MACF1: variants seen among roughly 807,000 people sequenced by gnomAD.
MACF1 encodes the protein microtubule actin crosslinking factor 1, also known as microtubule-actin cross-linking factor 1.
In MACF1, 193 loss-of-function variants were observed where a neutral mutation model predicts 854.8. That is an observed-to-expected ratio of 0.23 (90% confidence interval 0.20 to 0.25). The LOEUF is 0.25. Ranked by LOEUF, MACF1 falls within the 10% of genes least tolerant of loss-of-function variation. The pLI, the probability that MACF1 is intolerant of heterozygous loss-of-function variation, is 1.00. For missense variants in MACF1, 7,722 were observed against 8,929.1 expected (o/e 0.86, Z 5.45); for synonymous variants, 3,185 against 3,226.7 (o/e 0.99, Z 0.44).
chr1:39,464,204 A>G (rs1557668522), intron 94 of MACF1: 1 of 154,870 alleles, frequency 6.5e-6, no homozygotes, highest in Non-Finnish European at 1.4e-5. Context: ...ACAGTGAACT[A>G]TACTTGTGTT....
At chr1:39,183,825 G>T (rs1386266678) in intron 2 of MACF1, among the ~76,000 whole-genome samples, 1 of 152,128 alleles carries the variant, frequency 6.6e-6, no homozygotes, top group Non-Finnish European at 1.5e-5. Flanking sequence ...TTCTTGGGAG[G>T]TATAGCGAGA....
intron 63 of MACF1, 41 bp downstream of exon 63, chr1:39,428,328 A>G: frequency 6.8e-7 from 1 of 1,476,706 alleles, no homozygotes; most frequent in Non-Finnish European, 9.1e-7. Context: ...TTATTCTGTT[A>G]TTTTGTTATT....
chr1:39,088,310 A>G (rs894616299), intron 2 of MACF1, among the ~76,000 whole-genome samples: 1 of 151,742 alleles, frequency 6.6e-6, no homozygotes. Context: ...GCTGGTCTTG[A>G]ACTCCTGACC....
chr1:39,243,537 G>T (rs1244957133), intron 2 of MACF1, among the ~76,000 whole-genome samples: 2 of 152,098 alleles, frequency 1.3e-5, no homozygotes, highest in Non-Finnish European at 2.9e-5. Context: ...GAGTAGCTGG[G>T]ATTGTAGGCA....
In MACF1 at chr1:39,440,111, C is replaced by CTTTTCTTTTTTTTTTTT. The variant is rs1553414036; in HGVS notation, c.18447+615_18447+616insCTTTTTTTTTTTTTTTT. On this transcript the variant is annotated intron_variant, in intron 72 of 100. Transcript: ENST00000564288. ...CTTTTCTTTTCTTTTCTTTTCTTTT[C>CTTTTCTTTTTTTTTTTT]TTTTTTTTTTTTTTTTTTGGAGACA... 5.6e-4 allele frequency among the ~76,000 whole-genome samples: 36 copies of CTTTTCTTTTTTTTTTTT among 64,506 alleles called. 1 individual carries two copies. Among genetic ancestry groups the CTTTTCTTTTTTTTTTTT allele is most frequent in the African/African-American group, 1.7e-3 (25 of 14,882 alleles). 42.3% of individuals were successfully genotyped at this position (64,506 alleles called of 152,430 possible). A position where few individuals can be genotyped will look rare whatever the true frequency, so the allele number is the denominator to read the frequency against.
At chr1:39,133,516 G>A (rs1007987327) in intron 2 of MACF1, among the ~76,000 whole-genome samples, 1 of 151,058 alleles carries the variant, frequency 6.6e-6, no homozygotes, top group Non-Finnish European at 1.5e-5. Flanking sequence ...CTCCTTCCTC[G>A]TCCTCCTCCT....
intron 2 of MACF1, among the ~76,000 whole-genome samples, chr1:39,171,582 T>C (rs1316196210): frequency 6.6e-6 from 1 of 152,206 alleles, no homozygotes; most frequent in African/African-American, 2.4e-5. Context: ...TACATGCCTT[T>C]TCCATGTAAC....
intron 2 of MACF1, among the ~76,000 whole-genome samples, chr1:39,245,979 T>C (rs1418437900): frequency 6.6e-6 from 1 of 152,238 alleles, no homozygotes; most frequent in Non-Finnish European, 1.5e-5. Context: ...TACTTATTTG[T>C]AGGAAAGTTA....
intron 56 of MACF1, 93 bp from the exon 57 acceptor site, chr1:39,385,341 T>C: frequency 7.2e-7 from 1 of 1,390,796 alleles, no homozygotes; most frequent in Admixed American, 2.1e-5. Context: ...GTGCTGCGAT[T>C]ACAGGCATGA....
In MACF1 at chr1:39,333,375, G is replaced by A. The variant is rs746397560; in HGVS notation, c.6787G>A (p.Glu2263Lys). ...GATGATGTCAGAAAAGACCGATGAG[G>A]AAGATAGTGGCAGGGAAATTTTTCT... ...SMMMSEKTDE[E>K]DSGREIFLSC... Residue 2263 changes from glutamate (E) to lysine (K), a missense_variant, in exon 37 of 101, where the codon GAA (glutamate) becomes AAA (lysine). Around this residue, in one of 15 missense-constraint regions of MACF1, gnomAD observed 1,531 missense variants for 1,601.6 expected, o/e 0.96. Coordinates refer to ENST00000564288, the MANE Select transcript of MACF1 (RefSeq NM_001394062.1). 2 of 1,614,090 alleles carry A rather than the reference G, an allele frequency of 1.2e-6. No homozygotes were observed. The highest frequency in any genetic ancestry group is 2.2e-5 in the South Asian group (2 of 91,074).
chr1:39,324,484 T>A, intron 34 of MACF1, 139 bp downstream of exon 34: 2 of 1,142,574 alleles, frequency 1.8e-6, no homozygotes, highest in Middle Eastern at 4.5e-4. Context: ...TAAGAAGCCA[T>A]CTTGTTTGTT....
chr1:39,386,374 C>T (rs955403529), intron 57 of MACF1, among the ~76,000 whole-genome samples: 6 of 151,996 alleles, frequency 3.9e-5, no homozygotes, highest in South Asian at 2.1e-4. Context: ...GAACCTCCCA[C>T]CTCAGCCTCC....
chr1:39,432,801 G>A, intron 67 of MACF1, 147 bp downstream of exon 67: 1 of 1,004,748 alleles, frequency 1.0e-6, no homozygotes, highest in Non-Finnish European at 1.4e-6. Flanking sequence ...GTTGAGATGA[G>A]GAAGAATTTT....
At chr1:39,182,873 A>T (rs953161413) in intron 2 of MACF1, among the ~76,000 whole-genome samples, 1 of 152,244 alleles carries the variant, frequency 6.6e-6, no homozygotes, top group Non-Finnish European at 1.5e-5. Context: ...TAGAATATAG[A>T]AAACATATAT....
At chr1:39,475,932 G>A (rs989805821) in intron 97 of MACF1, among the ~76,000 whole-genome samples, 4 of 152,160 alleles carry the variant, frequency 2.6e-5, no homozygotes, top group South Asian at 2.1e-4. Context: ...GGGCAGGGAG[G>A]AGTGGTCAGC....
upstream of MACF1, among the ~76,000 whole-genome samples, chr1:39,201,065 C>G (rs147157120): frequency 6.6e-6 from 1 of 152,308 alleles, no homozygotes; most frequent in East Asian, 1.9e-4. Flanking sequence ...TATCAGTCTT[C>G]CCCATCTCAG....
At chr1:39,447,612 A>C (rs766931092) in intron 81 of MACF1, 25 bp downstream of exon 81, 1 of 1,613,658 alleles carries the variant, frequency 6.2e-7, no homozygotes, top group East Asian at 2.2e-5. Flanking sequence ...ATGATGCTGC[A>C]TTCTTTTTGA....
intron 15 of MACF1, among the ~76,000 whole-genome samples, chr1:39,288,588 C>T (rs1645700543): frequency 6.6e-6 from 1 of 151,688 alleles, no homozygotes; most frequent in African/African-American, 2.4e-5. Context: ...TTGTGTGAGT[C>T]CAGGAGTTCA....
chr1:39,443,303 T>C, intron 78 of MACF1, 143 bp from the exon 79 acceptor site: 1 of 754,698 alleles, frequency 1.3e-6, no homozygotes, highest in South Asian at 1.9e-5. Context: ...ATTGGCCCCA[T>C]GCTAATCTAG....
Sources: allele counts gnomAD v4.1 joint callset (sites outside exome capture counted in the v4.1 genomes callset), GRCh38; gene constraint gnomAD v4.1.1; regional missense constraint gnomAD v4.1.1; transcripts MANE v1.5; gene names NCBI Gene and HGNC (gene_info 2026-07-23, HGNC 2026-07-21).